Variants in GPHN observed in about 807,000 individuals in gnomAD.
The protein encoded by GPHN is gephyrin.
GPHN carries 17 observed loss-of-function variants against 95.5 expected under a neutral mutation model. That is an observed-to-expected ratio of 0.18 (90% CI 0.12 to 0.27). The LOEUF is 0.27. Ranked by LOEUF, GPHN falls within the 10% of genes least tolerant of loss-of-function variation. The pLI is 1.00. For missense variants in GPHN, 660 were observed against 978.1 expected, an observed-to-expected ratio of 0.67 and a Z score of 4.34; for synonymous variants, 320 against 322.5, an observed-to-expected ratio of 0.99 and a Z score of 0.08.
intron 2 of GPHN, among the ~76,000 whole-genome samples, chr14:66,689,039 T>C (rs2067596143): frequency 6.6e-6 from 1 of 152,154 alleles, no homozygotes; most frequent in Non-Finnish European, 1.5e-5. Context: ...ATTGTGCACA[T>C]GTACCCTAGA....
the GPHN span, chr14:67,691,187 G>C: frequency 2.3e-5 from 37 of 1,614,020 alleles, no homozygotes; most frequent in Non-Finnish European, 3.1e-5. Context: ...TGCTGTCTTC[G>C]AGTACGGACA....
intron 6 of GPHN, among the ~76,000 whole-genome samples, chr14:66,918,159 A>G (rs1257135874): frequency 1.3e-5 from 2 of 152,186 alleles, no homozygotes; most frequent in African/African-American, 2.4e-5. Context: ...CAGCCAAGGG[A>G]GAAAGTGCAT....
At chr14:67,016,897 TAAG>T (rs932477980) in intron 9 of GPHN, among the ~76,000 whole-genome samples, 4 of 152,258 alleles carry the variant, frequency 2.6e-5, no homozygotes, top group South Asian at 2.1e-4. Flanking sequence ...ATAAAGATAA[TAAG>T]AACAACTTCA....
chr14:66,751,165 G>A (rs560158848), intron 2 of GPHN, among the ~76,000 whole-genome samples: 8 of 152,062 alleles, frequency 5.3e-5, no homozygotes, highest in Admixed American at 3.3e-4. Context: ...ACACATTCAC[G>A]TGTCTTTATA....
At chr14:67,279,357 CAGG>C in the GPHN span, 4 of 1,613,528 alleles carry the variant, frequency 2.5e-6, no homozygotes, top group African/African-American at 4.0e-5. Flanking sequence ...TCGGCAACAA[CAGG>C]AGGACATGAG....
chr14:66,611,849 C>T lies in GPHN; in HGVS notation c.65-69258C>T, dbSNP rs75179428. 5.5e-4 allele frequency among the ~76,000 whole-genome samples: 84 copies of T among 152,230 alleles called. 3 individuals are homozygous for T. Among genetic ancestry groups the T allele is most frequent in the African/African-American group, 2.0e-3 (82 of 41,572 alleles). ...TCAGTTAGAGAGACTTGTATTGCTTCCATACTATTCTTCACTGCTAGATGA... is the reference window on the plus strand; with the variant it reads ...TCAGTTAGAGAGACTTGTATTGCTTTCATACTATTCTTCACTGCTAGATGA... On this transcript the variant is annotated intron_variant, in intron 1 of 22. Transcript: ENST00000478722.
intron 8 of GPHN, among the ~76,000 whole-genome samples, chr14:66,964,044 C>T (rs111831966): frequency 5.7e-4 from 86 of 152,210 alleles, no homozygotes; most frequent in African/African-American, 1.7e-3. Flanking sequence ...TCTTAGAAGA[C>T]GTATGCCCGT....
chr14:67,103,329 C>T (rs1044779453), intron 13 of GPHN, among the ~76,000 whole-genome samples: 3 of 152,012 alleles, frequency 2.0e-5, no homozygotes, highest in African/African-American at 7.2e-5. Context: ...TTCAGGATAG[C>T]TTTGGCTATT....
At position 66,982,052 on chromosome 14, in the gene GPHN, G is replaced by T. The variant is rs79624032; in HGVS notation, c.963+16727G>T. On this transcript the variant is annotated intron_variant, in intron 9 of 22. Coordinates refer to ENST00000478722, the MANE Select transcript of GPHN (RefSeq NM_020806.5). ...CAGTGATATGTGAGTGTACCTTAAT[G>T]CAGTTATCATAAGCCTGAAATTTCT... 3.2e-3 allele frequency among the ~76,000 whole-genome samples: 480 copies of T among 152,156 alleles called. 10 individuals carry two copies. Among genetic ancestry groups the T allele is most frequent in the African/African-American group, 0.011 (444 of 41,512 alleles).
chr14:66,565,057 A>T (rs111360915), intron 1 of GPHN, among the ~76,000 whole-genome samples: 1 of 152,110 alleles, frequency 6.6e-6, no homozygotes, highest in Non-Finnish European at 1.5e-5. Flanking sequence ...ATACTGATGC[A>T]CTTCCTCCTA....
chr14:67,673,460 C>T, the GPHN span, among the ~76,000 whole-genome samples: 1 of 152,154 alleles, frequency 6.6e-6, no homozygotes, highest in Non-Finnish European at 1.5e-5. Flanking sequence ...TATTGTTTAT[C>T]ACCTACCCAC....
intron 1 of GPHN, among the ~76,000 whole-genome samples, chr14:66,553,183 G>T (rs1426811004): frequency 2.0e-5 from 3 of 151,828 alleles, no homozygotes; most frequent in African/African-American, 7.3e-5. Flanking sequence ...TAGAGAAGGG[G>T]TTTTACCACA....
the GPHN span, chr14:67,350,751 A>G: frequency 2.1e-6 from 3 of 1,452,952 alleles, no homozygotes; most frequent in Non-Finnish European, 2.9e-6. Context: ...ATATTCCATC[A>G]TAATTATGTT....
chr14:67,684,900 A>C, the GPHN span: 6 of 774,742 alleles, frequency 7.7e-6, no homozygotes, highest in Admixed American at 1.7e-4. Context: ...CTCTAGAGTT[A>C]AAAGACAAAA....
intron 11 of GPHN, among the ~76,000 whole-genome samples, chr14:67,087,967 C>G (rs996690614): frequency 1.3e-5 from 2 of 152,008 alleles, no homozygotes; most frequent in Admixed American, 1.3e-4. Context: ...GTTATGACTC[C>G]TGAAACTTTT....
At position 66,932,458 on chromosome 14, in the gene GPHN, T is replaced by TGTTTTTTG. The variant is rs1330572019; in HGVS notation, c.828+8166_828+8167insGTTTTTTG. 1.9e-4 allele frequency among the ~76,000 whole-genome samples: 23 copies of TGTTTTTTG among 123,618 alleles called. 1 individual carries two copies. The highest frequency in any genetic ancestry group is 3.2e-4 in the Non-Finnish European group (19 of 59,314). 81.1% of individuals were successfully genotyped at this position (123,618 alleles called of 152,430 possible). On this transcript the variant is annotated intron_variant, in intron 8 of 22. Coordinates refer to ENST00000478722, the MANE Select transcript of GPHN (RefSeq NM_020806.5). ...GCCAAGACCAGGTTTTTTTTTTTTT[T>TGTTTTTTG]TTTTTTTTTTTTTTTTTTTTTTCAG... is the stretch of plus-strand genomic sequence containing the variant.
chr14:66,609,245 C>A (rs886428782), intron 1 of GPHN, among the ~76,000 whole-genome samples: 1 of 151,972 alleles, frequency 6.6e-6, no homozygotes, highest in African/African-American at 2.4e-5. Flanking sequence ...GGAATTTATT[C>A]TTTTTAAGGC....
chr14:66,842,556 G>A (rs2062142776), intron 4 of GPHN: 1 of 659,582 alleles, frequency 1.5e-6, no homozygotes. Flanking sequence ...TCATTCTGAG[G>A]AAGGGAGAAG....
At chr14:67,442,241 C>T in the GPHN span, among the ~76,000 whole-genome samples, 9 of 152,084 alleles carry the variant, frequency 5.9e-5, no homozygotes, top group Admixed American at 2.6e-4. Context: ...AGCACCCCAT[C>T]CTTGAGGGTT....
Sources: gnomAD v4.1 joint callset for allele counts (sites outside exome capture counted in the v4.1 genomes callset) on GRCh38, gnomAD v4.1.1 for gene constraint, MANE v1.5 for transcripts, NCBI Gene and HGNC (gene_info 2026-07-23, HGNC 2026-07-21) for gene names.